SEMA5A: variants seen among roughly 807,000 people sequenced by gnomAD.
SEMA5A encodes semaphorin-5A.
SEMA5A carries 55 observed loss-of-function variants against 135.5 expected under a neutral mutation model. The observed-to-expected ratio is 0.41, with a 90% CI of 0.33 to 0.51. The LOEUF (loss-of-function observed/expected upper bound fraction) is 0.51. Ranked by LOEUF, SEMA5A falls within the 20% of genes least tolerant of loss-of-function variation. SEMA5A has a pLI of 0.37. For synonymous variants in SEMA5A, 580 were observed against 546.5 expected (o/e 1.06, Z -0.85); for missense variants, 1,290 against 1,419.9 (o/e 0.91, Z 1.47).
intron 5 of SEMA5A, among the ~76,000 whole-genome samples, chr5:9,287,720 G>A (rs186479750): frequency 6.8e-4 from 104 of 152,156 alleles, no homozygotes; most frequent in African/African-American, 2.2e-3. Context: ...GTCTATAGCC[G>A]GCTTTGTACC....
rs1181841519 is a variant in SEMA5A at position 9,096,931 on chromosome 5, T to C, written c.2073+11209A>G. 2.0e-5 allele frequency among the ~76,000 whole-genome samples: 3 copies of C among 152,210 alleles called. No individual in the cohort carries two copies. The East Asian group carries it at 5.8e-4, about 29-fold the overall frequency. ...CTGTTAGGACAGGTACTCTCTATGA[T>C]GAAAAAACAGTAGACTTTTCATCAT... On this transcript the variant is annotated intron_variant, in intron 16 of 22. Coordinates refer to ENST00000382496, the MANE Select transcript of SEMA5A (RefSeq NM_003966.3).
At chr5:9,399,495 C>T (rs998089311) in intron 2 of SEMA5A, among the ~76,000 whole-genome samples, 11 of 151,994 alleles carry the variant, frequency 7.2e-5, no homozygotes, top group South Asian at 4.2e-4. Context: ...CTAATGGATA[C>T]GGGTGTTCTT....
chr5:9,120,705 T>A (rs1740767541), intron 14 of SEMA5A, among the ~76,000 whole-genome samples: 1 of 152,218 alleles, frequency 6.6e-6, no homozygotes, highest in South Asian at 2.1e-4. Flanking sequence ...CAAAAAGTTG[T>A]TAGATCATGA....
intron 15 of SEMA5A, among the ~76,000 whole-genome samples, chr5:9,113,167 C>T (rs1333774919): frequency 6.6e-6 from 1 of 152,190 alleles, no homozygotes; most frequent in Non-Finnish European, 1.5e-5. Flanking sequence ...AGCAAATAAA[C>T]ACCTGGTGCT....
intron 1 of SEMA5A, among the ~76,000 whole-genome samples, chr5:9,542,490 A>G (rs1417831647): frequency 1.3e-5 from 2 of 152,226 alleles, no homozygotes; most frequent in Admixed American, 6.5e-5. Context: ...GTGAGCAGAA[A>G]TGTACAATGC....
intron 7 of SEMA5A, 40 bp from the exon 8 acceptor site, chr5:9,224,927 C>T (rs979458882): frequency 6.4e-7 from 1 of 1,567,368 alleles, no homozygotes; most frequent in Non-Finnish European, 8.7e-7. Flanking sequence ...TATCTCTGCA[C>T]AAGCCCCTTT....
At chr5:9,353,162 GAGGGA>G (rs1754243716) in intron 3 of SEMA5A, among the ~76,000 whole-genome samples, 5 of 23,530 alleles carry the variant, frequency 2.1e-4, no homozygotes, top group African/African-American at 7.6e-4. Flanking sequence ...GAAAGGAAAG[GAGGGA>G]AAGGAAGGGA....
intron 16 of SEMA5A, among the ~76,000 whole-genome samples, chr5:9,105,204 G>A (rs1351151249): frequency 1.3e-5 from 2 of 152,188 alleles, no homozygotes; most frequent in Non-Finnish European, 2.9e-5. Context: ...GGGATTCATG[G>A]AGAGAACTAA....
At chr5:9,083,408 ATTC>A in intron 16 of SEMA5A, among the ~76,000 whole-genome samples, 1 of 152,322 alleles carries the variant, frequency 6.6e-6, no homozygotes, top group South Asian at 2.1e-4. Context: ...ATTTAATTAG[ATTC>A]TTATTACTGC....
intron 16 of SEMA5A, among the ~76,000 whole-genome samples, chr5:9,082,723 C>G (rs1052444869): frequency 7.2e-5 from 11 of 152,110 alleles, no homozygotes; most frequent in Admixed American, 3.9e-4. Context: ...TTACACGGAG[C>G]CCTGGAAGCA....
chr5:9,401,388 C>G (rs1055909608), intron 2 of SEMA5A, among the ~76,000 whole-genome samples: 2 of 152,192 alleles, frequency 1.3e-5, no homozygotes, highest in African/African-American at 4.8e-5. Flanking sequence ...GGTGTCCACC[C>G]TTAATTATTA....
intron 10 of SEMA5A, among the ~76,000 whole-genome samples, chr5:9,196,270 G>A (rs1334316865): frequency 6.6e-6 from 1 of 152,190 alleles, no homozygotes. Flanking sequence ...GGTAGTAAAT[G>A]AGGGTAAGTG....
At chr5:9,498,984 T>C (rs150720816) in intron 1 of SEMA5A, among the ~76,000 whole-genome samples, 3 of 152,220 alleles carry the variant, frequency 2.0e-5, no homozygotes, top group East Asian at 3.9e-4. Flanking sequence ...GTAATGAAAA[T>C]GTATGAATGC....
chr5:9,163,034 C>T (rs1390515714), intron 11 of SEMA5A, among the ~76,000 whole-genome samples: 1 of 152,098 alleles, frequency 6.6e-6, no homozygotes, highest in African/African-American at 2.4e-5. Context: ...TGAACTGATA[C>T]AACAGCATAT....
rs1254048864 is a variant in SEMA5A, at chr5:9,089,617, TTA to T, written c.2073+18521_2073+18522del. On this transcript the variant is annotated intron_variant, in intron 16 of 22. Coordinates refer to ENST00000382496, the MANE Select transcript of SEMA5A (RefSeq NM_003966.3). ...ATCCCCACTCTTGACCTTACCACCC[TTA>T]TTTCTTTACCTTGTTGCATTGAATT... Among the ~76,000 whole-genome samples the T allele has an allele frequency of 3.3e-5, 5 of 152,314 alleles. No homozygotes were observed. The East Asian group carries it at 7.7e-4, about 24-fold the overall frequency.
intron 3 of SEMA5A, among the ~76,000 whole-genome samples, chr5:9,351,458 T>C (rs1754111536): frequency 6.7e-6 from 1 of 148,512 alleles, no homozygotes; most frequent in African/African-American, 2.5e-5. Flanking sequence ...ACATATTTTA[T>C]AGCCCCCACC....
At chr5:9,497,633 A>T (rs1735370573) in intron 1 of SEMA5A, among the ~76,000 whole-genome samples, 1 of 152,216 alleles carries the variant, frequency 6.6e-6, no homozygotes, top group Non-Finnish European at 1.5e-5. Context: ...GTGACAGTTA[A>T]TCTTCAAAAA....
At chr5:9,164,053 T>A (rs1743448406) in intron 11 of SEMA5A, among the ~76,000 whole-genome samples, 1 of 142,024 alleles carries the variant, frequency 7.0e-6, no homozygotes, top group Non-Finnish European at 1.5e-5. Context: ...TATATATTTA[T>A]AATATAAATA....
At chr5:9,122,930 A>C (rs966988633) in intron 13 of SEMA5A, 93 bp from the exon 14 acceptor site, 6 of 1,128,898 alleles carry the variant, frequency 5.3e-6, no homozygotes, top group South Asian at 2.0e-5. Flanking sequence ...GACAATCAAA[A>C]CTCCTCTAGA....
Sources: gnomAD v4.1 joint callset for allele counts (sites outside exome capture counted in the v4.1 genomes callset) on GRCh38, gnomAD v4.1.1 for gene constraint, MANE v1.5 for transcripts, NCBI Gene and HGNC (gene_info 2026-07-23, HGNC 2026-07-21) for gene names.